The following WDFY3 variants were observed in gnomAD, a reference collection of about 807,000 sequenced individuals.
WDFY3 encodes the protein WD repeat and FYVE domain-containing protein 3.
In WDFY3, 66 loss-of-function variants were observed where a neutral mutation model predicts 409.6. That is an observed-to-expected ratio of 0.16 (90% CI 0.13 to 0.20). The LOEUF (loss-of-function observed/expected upper bound fraction) is 0.20, where lower values mean the gene tolerates loss of function less well. Ranked by LOEUF, WDFY3 falls within the 10% of genes least tolerant of loss-of-function variation. The probability of loss-of-function intolerance (pLI) is 1.00; values close to 1 mark genes in which losing one functional copy is unlikely to be tolerated. For missense variants in WDFY3, 3,031 were observed against 4,298.1 expected, an observed-to-expected ratio of 0.71 and a Z score of 8.24; for synonymous variants, 1,521 against 1,537.1, an observed-to-expected ratio of 0.99 and a Z score of 0.25.
rs190549002 is a variant in WDFY3, at chr4:84,863,210, C to A, written c.-31-2588G>T. Among the ~76,000 whole-genome samples, 171 of 152,322 alleles carry A rather than the reference C, an allele frequency of 1.1e-3. 2 individuals carry two copies. The highest frequency in any genetic ancestry group is 3.8e-3 in the African/African-American group (160 of 41,578). ...GGAGTGCAGGCATCTCTTCAAGATA[C>A]TGATTTCATTTCCTTTGGAAATATA... On this transcript the variant is annotated intron_variant, in intron 3 of 67. Transcript: ENST00000295888.
chr4:84,787,494 C>T lies in WDFY3; in HGVS notation c.3889G>A (p.Val1297Ile), dbSNP rs753795856. 3.7e-6 allele frequency: 6 copies of T among 1,613,886 alleles called. No individual in the cohort carries two copies. The highest frequency in any genetic ancestry group is 1.1e-5 in the South Asian group (1 of 91,070). Residue 1297 changes from valine to isoleucine, a missense_variant, in exon 23 of 68, where the codon GTA becomes ATA. Physicochemically the swap from Val to Ile is conservative, Grantham distance 29 (BLOSUM62 3). This residue lies in a region of WDFY3 where 1,322 missense variants were observed against 1,697.9 expected (regional missense o/e 0.78). Transcript: ENST00000295888. The part of the protein sequence containing the change: ...GPNYVGSFQA[V>I]CMPCKDAKSE... Reference sequence around the variant, plus strand: ...ATAAGTTACTCACATGGCATACATACAGCCTGAAAGCTTCCAACATAATTT... The same window carrying T: ...ATAAGTTACTCACATGGCATACATATAGCCTGAAAGCTTCCAACATAATTT...
chr4:84,740,251 C>T lies in WDFY3; in HGVS notation c.6400G>A (p.Gly2134Arg). ...CTAATGAATTCTTGGTCATGGTTCCCAGGTCCCAGGATCAAGTTTCTGTTT... is the reference window on the plus strand; with the variant it reads ...CTAATGAATTCTTGGTCATGGTTCCTAGGTCCCAGGATCAAGTTTCTGTTT... ...TVNRNLILGP[G>R]NHDQEFISCL... The change falls in exon 39 of 68, where the codon GGG becomes AGG. Residue 2134 changes from glycine to arginine, a missense_variant. This residue lies in a region of WDFY3 where 314 missense variants were observed against 397.4 expected (regional missense o/e 0.79). Coordinates refer to ENST00000295888, the MANE Select transcript of WDFY3 (RefSeq NM_014991.6). 1 of 1,613,990 alleles carries T rather than the reference C, an allele frequency of 6.2e-7. No homozygotes were observed. Among genetic ancestry groups the T allele is most frequent in the Non-Finnish European group, 8.5e-7 (1 of 1,180,004 alleles).
Position 84,696,791 on chromosome 4 carries a change from C to T in WDFY3, c.8629G>A (p.Val2877Ile), listed in dbSNP as rs780863575. 3 of 1,613,876 alleles carry T rather than the reference C, an allele frequency of 1.9e-6. No homozygotes were observed. The highest frequency in any genetic ancestry group is 2.5e-6 in the Non-Finnish European group (3 of 1,179,904). ...CKQNGTKLGD[V>I]ILPPWAKGDP... ...CCTTTTGCCCAGGGTGGAAGGATAA[C>T]ATCTCCAAGCTTGGTGCCATTTTGT... Residue 2877 changes from valine to isoleucine, a missense_variant, in exon 57 of 68, where the codon GTT becomes ATT. Val to Ile is a conservative substitution (Grantham distance 29). This residue lies in a region of WDFY3 where 129 missense variants were observed against 305.3 expected (regional missense o/e 0.42). Transcript: ENST00000295888.
chr4:84,933,323 A>C (rs1021467596), intron 1 of WDFY3, among the ~76,000 whole-genome samples: 1 of 152,162 alleles, frequency 6.6e-6, no homozygotes, highest in African/African-American at 2.4e-5. Context: ...TTGCTGGTTT[A>C]TCTCATTACC....
At chr4:84,866,442 A>C (rs1370630911) in intron 3 of WDFY3, among the ~76,000 whole-genome samples, 5 of 152,230 alleles carry the variant, frequency 3.3e-5, no homozygotes, top group Admixed American at 6.5e-5. Flanking sequence ...CCATCTCCCC[A>C]GGCCAGAGTA....
chr4:84,813,299 C>G (rs1362696936), intron 13 of WDFY3, among the ~76,000 whole-genome samples: 1 of 152,108 alleles, frequency 6.6e-6, no homozygotes, highest in Non-Finnish European at 1.5e-5. Flanking sequence ...CTAGCTCATA[C>G]CGGCTCTCAA....
intron 2 of WDFY3, among the ~76,000 whole-genome samples, chr4:84,924,500 A>G (rs1374806993): frequency 6.6e-6 from 1 of 152,200 alleles, no homozygotes; most frequent in Non-Finnish European, 1.5e-5. Context: ...GTTTTACATG[A>G]ACTATCTCTT....
intron 15 of WDFY3, among the ~76,000 whole-genome samples, chr4:84,806,707 T>C (rs531294284): frequency 3.0e-4 from 46 of 152,208 alleles, no homozygotes; most frequent in Non-Finnish European, 5.4e-4. Context: ...CCTTCGTTCA[T>C]GCAGTTCTCC....
intron 32 of WDFY3, among the ~76,000 whole-genome samples, chr4:84,759,270 T>C (rs886715009): frequency 8.5e-5 from 13 of 152,198 alleles, no homozygotes; most frequent in Non-Finnish European, 1.6e-4. Context: ...TGGCTTAGGA[T>C]TGACTTGGGG....
At chr4:84,925,134 C>G (rs767714024) in intron 2 of WDFY3, among the ~76,000 whole-genome samples, 1 of 152,136 alleles carries the variant, frequency 6.6e-6, no homozygotes, top group African/African-American at 2.4e-5. Context: ...AGTCTCTTCC[C>G]TCTTTATTAA....
chr4:84,774,776 A>G (rs760452949), intron 29 of WDFY3, 44 bp downstream of exon 29: 4 of 1,556,170 alleles, frequency 2.6e-6, no homozygotes, highest in South Asian at 2.5e-5. Context: ...CCTCATTGGT[A>G]CTTTTAGTTA....
At chr4:84,733,140 G>A (rs1736882098) in intron 44 of WDFY3, among the ~76,000 whole-genome samples, 1 of 152,164 alleles carries the variant, frequency 6.6e-6, no homozygotes, top group Non-Finnish European at 1.5e-5. Flanking sequence ...GCAGAGTCAG[G>A]TCTTAAATTT....
At chr4:84,925,253 T>TA (rs1769817984) in intron 2 of WDFY3, among the ~76,000 whole-genome samples, 1 of 152,194 alleles carries the variant, frequency 6.6e-6, no homozygotes, top group East Asian at 1.9e-4. Flanking sequence ...AAACCTCTCT[T>TA]AATTGTTCTC....
chr4:84,872,637 A>G (rs535389639), intron 3 of WDFY3, among the ~76,000 whole-genome samples: 5 of 152,198 alleles, frequency 3.3e-5, no homozygotes, highest in Non-Finnish European at 5.9e-5. Context: ...ATCAATAATC[A>G]TTATAAATGT....
rs570183529 is a variant in WDFY3 at position 84,762,991 on chromosome 4, ATCAAG to A, written c.5188+2814_5188+2818del. Reference sequence around the variant, plus strand: ...AAAAGTGAAAAAGAAACCAAAAGACATCAAGTGGTTATTTTATACATTAAATAGGA... The same window carrying A: ...AAAAGTGAAAAAGAAACCAAAAGACATGGTTATTTTATACATTAAATAGGA... On this transcript the variant is annotated intron_variant, in intron 32 of 67. Transcript: ENST00000295888. 4.1e-3 allele frequency among the ~76,000 whole-genome samples: 622 copies of A among 152,180 alleles called. 4 individuals are homozygous for A. The highest frequency in any genetic ancestry group is 0.014 in the African/African-American group (582 of 41,524).
intron 21 of WDFY3, 145 bp from the exon 22 acceptor site, chr4:84,790,052 A>C (rs1029565809): frequency 3.1e-6 from 3 of 957,474 alleles, no homozygotes; most frequent in African/African-American, 1.7e-5. Context: ...ACTCTGGAAA[A>C]AAAAATGATA....
chr4:84,682,931 G>C (rs1245088674), intron 63 of WDFY3: 1 of 158,334 alleles, frequency 6.3e-6, no homozygotes, highest in Non-Finnish European at 1.4e-5. Flanking sequence ...TCAGTAAGCC[G>C]AGATTGCACC....
chr4:84,710,923 A>G (rs193106058), intron 51 of WDFY3, among the ~76,000 whole-genome samples: 1 of 152,296 alleles, frequency 6.6e-6, no homozygotes, highest in East Asian at 1.9e-4. Context: ...TTCTGGGGTT[A>G]AAAAAAGCAT....
At chr4:84,946,524 T>C (rs1211301290) in intron 1 of WDFY3, among the ~76,000 whole-genome samples, 2 of 152,136 alleles carry the variant, frequency 1.3e-5, no homozygotes, top group Non-Finnish European at 2.9e-5. Context: ...TTTTTGCTTT[T>C]CTCCCACTGG....
Sources: gnomAD v4.1 joint callset for allele counts (sites outside exome capture counted in the v4.1 genomes callset) on GRCh38, gnomAD v4.1.1 for gene constraint, gnomAD v4.1.1 regional missense constraint, MANE v1.5 for transcripts, NCBI Gene and HGNC (gene_info 2026-07-23, HGNC 2026-07-21) for gene names.